ADAM2: variants seen among roughly 807,000 people sequenced by gnomAD.
ADAM2 encodes the protein ADAM metallopeptidase domain 2.
A neutral mutation model predicts 99.3 loss-of-function variants in ADAM2; 101 were observed. The ratio of observed to expected loss-of-function variants is 1.02; its 90% CI spans 0.87 to 1.20. The LOEUF (loss-of-function observed/expected upper bound fraction) is 1.20, where lower values mean the gene tolerates loss of function less well. ADAM2 is among the 50% of genes most tolerant of loss of function. The pLI is 0.00. For synonymous variants in ADAM2, 323 were observed against 287.6 expected (o/e 1.12, Z -1.25); for missense variants, 948 against 878.7 (o/e 1.08, Z -1.00).
intron 7 of ADAM2, among the ~76,000 whole-genome samples, chr8:39,790,799 A>G (rs1803678929): frequency 6.6e-6 from 1 of 151,988 alleles, no homozygotes; most frequent in South Asian, 2.1e-4. Flanking sequence ...TCTCTCCACT[A>G]TAAGCAGGTT....
chr8:39,765,026 A>T (rs942540790), intron 14 of ADAM2, among the ~76,000 whole-genome samples: 13 of 145,254 alleles, frequency 8.9e-5, no homozygotes, highest in Admixed American at 8.3e-4. Flanking sequence ...CCGGCTCCAA[A>T]AAATAAATAA....
chr8:39,795,952 C>T (rs1178227797), intron 7 of ADAM2, among the ~76,000 whole-genome samples: 2 of 152,052 alleles, frequency 1.3e-5, no homozygotes, highest in Non-Finnish European at 2.9e-5. Flanking sequence ...ATTCTGCAAA[C>T]CCAATGGTCT....
chr8:39,771,537 T>A (rs141627348), intron 11 of ADAM2, among the ~76,000 whole-genome samples: 1 of 152,300 alleles, frequency 6.6e-6, no homozygotes, highest in East Asian at 1.9e-4. Context: ...TATATTTTGA[T>A]GGAAGACATT....
intron 6 of ADAM2, among the ~76,000 whole-genome samples, chr8:39,813,093 T>C (rs1804772615): frequency 6.6e-6 from 1 of 151,916 alleles, no homozygotes; most frequent in Admixed American, 6.6e-5. Flanking sequence ...AACAACCCCA[T>C]CAAAAAGTGG....
At chr8:39,759,783 T>TTTTAC (rs1802280390) in intron 15 of ADAM2, among the ~76,000 whole-genome samples, 1 of 152,192 alleles carries the variant, frequency 6.6e-6, no homozygotes, top group African/African-American at 2.4e-5. Flanking sequence ...ATTACAGAAG[T>TTTTAC]TTTACTTTAC....
In ADAM2 at chr8:39,773,946, GA is replaced by G. The variant is rs530017433; in HGVS notation, c.1028+3078del. ...CAAATATACTTTGCCAATATTAGGG[GA>G]AAAAATCCAGCTACAAAAAGGATTA... is the stretch of plus-strand genomic sequence containing the variant. On this transcript the variant is annotated intron_variant, in intron 11 of 20. Coordinates refer to ENST00000265708, the MANE Select transcript of ADAM2 (RefSeq NM_001464.5). Among the ~76,000 whole-genome samples the G allele has an allele frequency of 1.1e-3, 174 of 151,854 alleles. 1 individual carries two copies. Among genetic ancestry groups the G allele is most frequent in the Admixed American group, 4.0e-3 (61 of 15,240 alleles).
At chr8:39,766,147 G>C (rs1387608088) in intron 14 of ADAM2, among the ~76,000 whole-genome samples, 1 of 152,118 alleles carries the variant, frequency 6.6e-6, no homozygotes, top group African/African-American at 2.4e-5. Flanking sequence ...ACCTGAATGT[G>C]TGTGCCTGCA....
At chr8:39,826,838 T>A (rs1805425777) in intron 3 of ADAM2, among the ~76,000 whole-genome samples, 1 of 152,066 alleles carries the variant, frequency 6.6e-6, no homozygotes, top group South Asian at 2.1e-4. Context: ...TGGGTGATGA[T>A]TTTTTGGATA....
At chr8:39,833,922 T>G in intron 3 of ADAM2, 22 bp downstream of exon 3, 1 of 1,284,290 alleles carries the variant, frequency 7.8e-7, no homozygotes, top group Non-Finnish European at 1.1e-6. Flanking sequence ...AGAGAATTGA[T>G]AAAATAATGA....
rs900067412 is a variant in ADAM2 at position 39,821,788 on chromosome 8, A to C, written c.268-126T>G. 4 of 662,424 alleles carry C rather than the reference A, an allele frequency of 6.0e-6. No homozygotes were observed. The Admixed American group carries it at 9.8e-5, about 16-fold the overall frequency. The allele number at this position is 662,424 out of a possible 1,614,324, so 41.0% of individuals were successfully genotyped here. On this transcript the variant is annotated intron_variant, in intron 4 of 20. Coordinates refer to ENST00000265708, the MANE Select transcript of ADAM2 (RefSeq NM_001464.5). The stretch of plus-strand genomic sequence containing the variant: ...ACACTCATGTTTCAAAAATGGATTT[A>C]TAATGTTATTAGATGAGCATATGGC...
At position 39,769,478 on chromosome 8, in the gene ADAM2, G is replaced by A. The variant is rs764580418; in HGVS notation, c.1126C>T (p.Arg376Cys). 2.5e-6 allele frequency: 4 copies of A among 1,613,576 alleles called. No individual in the cohort carries two copies. Among genetic ancestry groups the A allele is most frequent in the Non-Finnish European group, 3.4e-6 (4 of 1,179,666 alleles). ...QKSQCLHNQP[R>C]LDPFFKQQAV... ...TGCTGTTTGAAAAAAGGATCTAAGC[G>A]AGGCTGATTGTGAAGACACTGGGAC... Residue 376 changes from arginine to cysteine, a missense_variant, in exon 12 of 21, where the codon CGC (arginine) becomes TGC (cysteine). By Grantham distance (180) the Arg-to-Cys change is radical. Transcript: ENST00000265708.
chr8:39,749,826 T>C, intron 16 of ADAM2, 82 bp from the exon 17 acceptor site: 3 of 1,005,610 alleles, frequency 3.0e-6, no homozygotes, highest in Admixed American at 2.0e-5. Flanking sequence ...TACCATACCA[T>C]ATTACCATGG....
Position 39,766,836 on chromosome 8 carries a change from GATA to G in ADAM2, c.1507+9_1507+11del, listed in dbSNP as rs766434414. 222 of 1,549,752 alleles carry G rather than the reference GATA, an allele frequency of 1.4e-4. 1 individual carries two copies. The South Asian group carries it at 2.1e-3, about 14-fold the overall frequency. On this transcript the variant is annotated intron_variant, in intron 14 of 20. Coordinates refer to ENST00000265708, the MANE Select transcript of ADAM2 (RefSeq NM_001464.5). ...AAAACGCATATATGAGAAATCAAAT[GATA>G]ATAAATACCTTTGCCAAATGTGTCT...
At chr8:39,820,972 A>G (rs1260969576) in intron 6 of ADAM2, 30 bp downstream of exon 6, 1 of 1,444,158 alleles carries the variant, frequency 6.9e-7, no homozygotes, top group East Asian at 2.3e-5. Flanking sequence ...TATAGTAATA[A>G]CCATAGAGTT....
chr8:39,816,121 C>A (rs1325684981), intron 6 of ADAM2, among the ~76,000 whole-genome samples: 1 of 151,990 alleles, frequency 6.6e-6, no homozygotes, highest in African/African-American at 2.4e-5. Flanking sequence ...CATGGTGAAA[C>A]CCCATCTCAA....
At chr8:39,776,530 T>A (rs1446265984) in intron 11 of ADAM2, among the ~76,000 whole-genome samples, 1 of 152,086 alleles carries the variant, frequency 6.6e-6, no homozygotes, top group Non-Finnish European at 1.5e-5. Flanking sequence ...ACTATAAGAA[T>A]AATGTTGATA....
chr8:39,817,886 A>T (rs1466823933), intron 6 of ADAM2: 3 of 151,904 alleles, frequency 2.0e-5, no homozygotes, highest in African/African-American at 2.4e-5. Flanking sequence ...AGACACACAA[A>T]CTACCTAAAT....
chr8:39,744,652 G>A (rs972385111), intron 20 of ADAM2, among the ~76,000 whole-genome samples, 178 bp downstream of exon 20: 6 of 152,090 alleles, frequency 3.9e-5, no homozygotes. Context: ...GAGGCAAGGG[G>A]AGGAAGAGCA....
intron 7 of ADAM2, among the ~76,000 whole-genome samples, chr8:39,797,020 T>A (rs1334510481): frequency 6.6e-6 from 1 of 152,202 alleles, no homozygotes; most frequent in African/African-American, 2.4e-5. Flanking sequence ...CTGATGATAG[T>A]TTCTTTTGCT....
Sources: gnomAD v4.1 joint callset for allele counts (sites outside exome capture counted in the v4.1 genomes callset) on GRCh38, gnomAD v4.1.1 for gene constraint, MANE v1.5 for transcripts, NCBI Gene and HGNC (gene_info 2026-07-23, HGNC 2026-07-21) for gene names.